ZMAT4: variants seen among roughly 807,000 people sequenced by gnomAD.
ZMAT4 encodes zinc finger matrin-type protein 4.
A neutral mutation model predicts 28.7 loss-of-function variants in ZMAT4; 17 were observed. The observed-to-expected ratio is 0.59, with a 90% CI of 0.41 to 0.89. The LOEUF (loss-of-function observed/expected upper bound fraction) is 0.89. ZMAT4 is among the 40% of genes least tolerant of loss of function. The pLI, the probability that ZMAT4 is intolerant of heterozygous loss-of-function variation, is 0.00. For synonymous variants in ZMAT4, 117 were observed against 109.2 expected, an observed-to-expected ratio of 1.07 and a Z score of -0.44; for missense variants, 240 against 283.8, an observed-to-expected ratio of 0.85 and a Z score of 1.11.
At chr8:40,787,577 A>C (rs1814138758) in intron 2 of ZMAT4, among the ~76,000 whole-genome samples, 1 of 152,230 alleles carries the variant, frequency 6.6e-6, no homozygotes, top group Non-Finnish European at 1.5e-5. Flanking sequence ...GAAACACTTT[A>C]CAGCTTCTCT....
intron 5 of ZMAT4, among the ~76,000 whole-genome samples, chr8:40,623,390 T>A (rs1294676957): frequency 6.6e-6 from 1 of 152,162 alleles, no homozygotes; most frequent in East Asian, 1.9e-4. Context: ...CCTTGCAGGG[T>A]AAGTGTGAAG....
intron 3 of ZMAT4, among the ~76,000 whole-genome samples, chr8:40,719,291 A>G (rs1268697515): frequency 6.6e-6 from 1 of 151,988 alleles, no homozygotes; most frequent in Non-Finnish European, 1.5e-5. Context: ...ATACACAAAA[A>G]AATTACCCAG....
chr8:40,694,634 G>T (rs1411382680), intron 4 of ZMAT4, among the ~76,000 whole-genome samples: 2 of 152,074 alleles, frequency 1.3e-5, no homozygotes, highest in Admixed American at 6.5e-5. Context: ...GCCTACTTCT[G>T]CTGTTGGGAC....
At chr8:40,807,628 G>C (rs941253067) in intron 2 of ZMAT4, among the ~76,000 whole-genome samples, 2 of 152,122 alleles carry the variant, frequency 1.3e-5, no homozygotes, top group African/African-American at 4.8e-5. Flanking sequence ...TTAGCTACAG[G>C]ATTGCTTTTC....
chr8:40,800,017 A>G (rs972496070), intron 2 of ZMAT4, among the ~76,000 whole-genome samples: 9 of 152,252 alleles, frequency 5.9e-5, no homozygotes, highest in Non-Finnish European at 1.2e-4. Flanking sequence ...AAACAGAAAC[A>G]AAAAGCAAGG....
intron 2 of ZMAT4, among the ~76,000 whole-genome samples, chr8:40,825,243 T>G (rs1304725754): frequency 6.6e-6 from 1 of 152,106 alleles, no homozygotes; most frequent in Non-Finnish European, 1.5e-5. Flanking sequence ...CACAATGCAT[T>G]GCACCCTGGA....
chr8:40,573,358 G>A (rs1472588508), intron 6 of ZMAT4, among the ~76,000 whole-genome samples: 2 of 152,186 alleles, frequency 1.3e-5, no homozygotes, highest in Non-Finnish European at 2.9e-5. Context: ...GGCTCTAGGA[G>A]TGAATCCTTC....
At chr8:40,686,818 C>T (rs1196759348) in intron 4 of ZMAT4, among the ~76,000 whole-genome samples, 1 of 151,950 alleles carries the variant, frequency 6.6e-6, no homozygotes, top group Non-Finnish European at 1.5e-5. Context: ...AATTTCACAA[C>T]CTTGTTGTGA....
At chr8:40,545,828 T>C (rs747470441) in intron 6 of ZMAT4, among the ~76,000 whole-genome samples, 2 of 151,562 alleles carry the variant, frequency 1.3e-5, no homozygotes, top group Non-Finnish European at 2.9e-5. Flanking sequence ...GCCCTAGGAA[T>C]TGAGACAGTC....
chr8:40,803,964 A>G (rs1255242061), intron 2 of ZMAT4, among the ~76,000 whole-genome samples: 1 of 152,214 alleles, frequency 6.6e-6, no homozygotes, highest in Non-Finnish European at 1.5e-5. Context: ...CATTTACTAC[A>G]TTTAAGAAGC....
intron 6 of ZMAT4, among the ~76,000 whole-genome samples, chr8:40,568,606 CTTA>C (rs1305967680): frequency 3.9e-5 from 6 of 152,038 alleles, no homozygotes; most frequent in African/African-American, 7.2e-5. Context: ...CCATTTAGTA[CTTA>C]TTATTATTAT....
chr8:40,856,302 G>A (rs1401789305), intron 1 of ZMAT4, among the ~76,000 whole-genome samples: 1 of 152,164 alleles, frequency 6.6e-6, no homozygotes, highest in Non-Finnish European at 1.5e-5. Context: ...TCCTGAGAAG[G>A]TTTCATGGAG....
intron 1 of ZMAT4, among the ~76,000 whole-genome samples, chr8:40,844,145 C>A (rs767468756): frequency 6.6e-6 from 1 of 152,088 alleles, no homozygotes; most frequent in African/African-American, 2.4e-5. Flanking sequence ...TTGTTTTTTT[C>A]TAAAGAAAGG....
chr8:40,870,807 G>A (rs1005531974), intron 1 of ZMAT4, among the ~76,000 whole-genome samples: 2 of 152,162 alleles, frequency 1.3e-5, no homozygotes, highest in African/African-American at 2.4e-5. Context: ...AACAATTCAA[G>A]GCAGAAATGG....
intron 1 of ZMAT4, among the ~76,000 whole-genome samples, chr8:40,833,720 G>A (rs1359436082): frequency 6.6e-6 from 1 of 152,080 alleles, no homozygotes; most frequent in Non-Finnish European, 1.5e-5. Flanking sequence ...TCGACAGGCA[G>A]GAGAATCCCC....
intron 5 of ZMAT4, among the ~76,000 whole-genome samples, chr8:40,661,572 A>T (rs1448865061): frequency 2.0e-5 from 3 of 152,318 alleles, no homozygotes; most frequent in African/African-American, 7.2e-5. Context: ...AAAATAAAAG[A>T]CACTTAAGGC....
chr8:40,576,222 A>G (rs1340009744), intron 6 of ZMAT4, among the ~76,000 whole-genome samples: 1 of 152,110 alleles, frequency 6.6e-6, no homozygotes, highest in Non-Finnish European at 1.5e-5. Flanking sequence ...AGGAGTAGAG[A>G]TGGGAAAATG....
At chr8:40,836,936 G>A (rs1816515063) in intron 1 of ZMAT4, among the ~76,000 whole-genome samples, 1 of 152,122 alleles carries the variant, frequency 6.6e-6, no homozygotes, top group Non-Finnish European at 1.5e-5. Context: ...AGAAACATAG[G>A]TAGATAGAAA....
chr8:40,799,080 T>G (rs1333426546), intron 2 of ZMAT4, among the ~76,000 whole-genome samples: 1 of 114,280 alleles, frequency 8.8e-6, no homozygotes, highest in Non-Finnish European at 1.7e-5. Context: ...GCTGGCTGGC[T>G]GGATGGATGG....
Sources: gnomAD v4.1 joint callset for allele counts (sites outside exome capture counted in the v4.1 genomes callset) on GRCh38, gnomAD v4.1.1 for gene constraint, MANE v1.5 for transcripts, NCBI Gene and HGNC (gene_info 2026-07-23, HGNC 2026-07-21) for gene names.